SPAG16: variants seen among roughly 807,000 people sequenced by gnomAD.
SPAG16 encodes the protein sperm-associated antigen 16 protein.
In SPAG16, 86 loss-of-function variants were observed where a neutral mutation model predicts 80.4. The observed-to-expected ratio is 1.07, with a 90% CI of 0.90 to 1.28. SPAG16 has a LOEUF of 1.28. Among genes scored for constraint, SPAG16 ranks in the 50% most tolerant of loss-of-function variants. The probability of loss-of-function intolerance (pLI) is 0.00; values close to 1 mark genes in which losing one functional copy is unlikely to be tolerated. For synonymous variants in SPAG16, 294 were observed against 265.9 expected (o/e 1.11, Z -1.03); for missense variants, 870 against 765.3 (o/e 1.14, Z -1.61).
intron 15 of SPAG16, among the ~76,000 whole-genome samples, chr2:214,351,287 T>C (rs897376902): frequency 1.3e-5 from 2 of 152,164 alleles, no homozygotes; most frequent in African/African-American, 2.4e-5. Flanking sequence ...TTCAGTAGCA[T>C]TGTAGGATCA....
intron 14 of SPAG16, 139 bp downstream of exon 14, chr2:214,108,400 A>G: frequency 1.6e-6 from 1 of 606,770 alleles, no homozygotes; most frequent in Non-Finnish European, 2.9e-6. Flanking sequence ...AAACAATAGG[A>G]AAAGTCTATA....
intron 13 of SPAG16, among the ~76,000 whole-genome samples, chr2:214,060,506 G>A (rs1361060484): frequency 1.3e-5 from 2 of 152,080 alleles, no homozygotes; most frequent in African/African-American, 2.4e-5. Flanking sequence ...AAAGAAAAAG[G>A]ATAATGTATA....
chr2:213,764,276 A>G (rs1469668665), intron 10 of SPAG16, among the ~76,000 whole-genome samples: 3 of 152,096 alleles, frequency 2.0e-5, no homozygotes, highest in East Asian at 3.8e-4. Flanking sequence ...TAGAACCCAA[A>G]TGAATGCTTG....
chr2:213,346,599 C>T (rs2065006892), intron 6 of SPAG16, among the ~76,000 whole-genome samples: 1 of 151,938 alleles, frequency 6.6e-6, no homozygotes, highest in Non-Finnish European at 1.5e-5. Context: ...GAAGGTTGTT[C>T]AATTTTGTCA....
At chr2:214,326,944 C>CAAAAAAAAA (rs5838428) in intron 15 of SPAG16, among the ~76,000 whole-genome samples, 2 of 64,464 alleles carry the variant, frequency 3.1e-5, no homozygotes, top group African/African-American at 6.8e-5. Flanking sequence ...GACTAAGTCT[C>CAAAAAAAAA]AAAAAAAAAA....
chr2:213,713,654 A>G (rs2066104589), intron 10 of SPAG16, among the ~76,000 whole-genome samples: 1 of 152,198 alleles, frequency 6.6e-6, no homozygotes, highest in South Asian at 2.1e-4. Flanking sequence ...AGAGGACTCA[A>G]GAGACAATGT....
rs1287826710 is a variant in SPAG16, at chr2:213,670,647, G to A, written c.1070+180557G>A. Among the ~76,000 whole-genome samples the A allele has an allele frequency of 2.0e-5, 3 of 151,662 alleles. No homozygotes were observed. In the South Asian group the frequency reaches 6.2e-4, roughly 31 times the overall value. Reference sequence around the variant, plus strand: ...AAGATAATTTTTTCATGTACTGATAGTATATACATTAATTTTCCAGAGCTC... The same window carrying A: ...AAGATAATTTTTTCATGTACTGATAATATATACATTAATTTTCCAGAGCTC... On this transcript the variant is annotated intron_variant, in intron 10 of 15. Transcript: ENST00000331683.
chr2:214,303,904 C>T (rs992653709), intron 15 of SPAG16, among the ~76,000 whole-genome samples: 1 of 152,082 alleles, frequency 6.6e-6, no homozygotes, highest in African/African-American at 2.4e-5. Context: ...AGGTTTGTTA[C>T]ACAGGTAAAC....
At chr2:213,298,987 A>G (rs574855510) in intron 3 of SPAG16, among the ~76,000 whole-genome samples, 21 of 152,298 alleles carry the variant, frequency 1.4e-4, no homozygotes, top group Non-Finnish European at 2.4e-4. Context: ...AAGTATGTTA[A>G]TCTTCAGTAA....
At position 213,294,260 on chromosome 2, in the gene SPAG16, A is replaced by G. The variant is rs569147306; in HGVS notation, c.137-1804A>G. Reference sequence around the variant, plus strand: ...GGAGTAGGGTGTTAAATAAGAAGTAACAGAGTAGCTTTGAAACTGGGGATT... The same window carrying G: ...GGAGTAGGGTGTTAAATAAGAAGTAGCAGAGTAGCTTTGAAACTGGGGATT... On this transcript the variant is annotated intron_variant, in intron 1 of 15. Coordinates refer to ENST00000331683, the MANE Select transcript of SPAG16 (RefSeq NM_024532.5). 2.6e-5 allele frequency among the ~76,000 whole-genome samples: 4 copies of G among 152,328 alleles called. No individual in the cohort carries two copies. In the South Asian group the frequency reaches 8.3e-4, roughly 32 times the overall value.
chr2:214,358,862 A>G (rs1413704686), intron 15 of SPAG16, among the ~76,000 whole-genome samples: 1 of 151,928 alleles, frequency 6.6e-6, no homozygotes, highest in Non-Finnish European at 1.5e-5. Flanking sequence ...TGTCATATAC[A>G]TTGTTATTTC....
intron 10 of SPAG16, among the ~76,000 whole-genome samples, chr2:213,745,406 C>A (rs2067772125): frequency 1.3e-5 from 2 of 152,062 alleles, no homozygotes; most frequent in African/African-American, 4.8e-5. Context: ...CCATGCCTGG[C>A]TAATTTTTGT....
chr2:213,377,412 C>T (rs1356127739), intron 9 of SPAG16, among the ~76,000 whole-genome samples: 1 of 152,170 alleles, frequency 6.6e-6, no homozygotes, highest in Non-Finnish European at 1.5e-5. Flanking sequence ...ATAATTCATT[C>T]AGGCTTCATG....
chr2:213,466,932 G>T (rs1332974662), intron 9 of SPAG16, among the ~76,000 whole-genome samples: 1 of 152,182 alleles, frequency 6.6e-6, no homozygotes, highest in South Asian at 2.1e-4. Flanking sequence ...GAGAGGCAGG[G>T]TATAGTGGTA....
intron 15 of SPAG16, among the ~76,000 whole-genome samples, chr2:214,237,323 T>TA (rs200041322): frequency 0.02 from 2,956 of 147,850 alleles, 66 homozygotes; most frequent in East Asian, 0.072. Flanking sequence ...CATGAAACAT[T>TA]AAAAAAAAAA....
chr2:213,659,099 A>G (rs2063327805), intron 10 of SPAG16, among the ~76,000 whole-genome samples: 1 of 152,234 alleles, frequency 6.6e-6, no homozygotes, highest in Non-Finnish European at 1.5e-5. Context: ...TGACATTTAG[A>G]AACCTTTGTG....
chr2:214,037,446 G>A (rs1365009229), intron 13 of SPAG16, among the ~76,000 whole-genome samples: 2 of 151,946 alleles, frequency 1.3e-5, no homozygotes, highest in East Asian at 3.9e-4. Context: ...CTTAGTATAT[G>A]ATTACATTTT....
At chr2:213,467,719 G>T (rs2072780934) in intron 9 of SPAG16, among the ~76,000 whole-genome samples, 1 of 152,316 alleles carries the variant, frequency 6.6e-6, no homozygotes, top group Middle Eastern at 3.4e-3. Flanking sequence ...GGACTCCTCA[G>T]TCCTGCTGGA....
At chr2:213,802,395 C>CTCTATCTATCTATCTATCTA (rs58879510) in intron 10 of SPAG16, among the ~76,000 whole-genome samples, 3 of 148,020 alleles carry the variant, frequency 2.0e-5, no homozygotes, top group Non-Finnish European at 4.5e-5. Flanking sequence ...TGATTCATGT[C>CTCTATCTATCTATCTATCTA]TCTATCTATC....
Sources: allele counts gnomAD v4.1 joint callset (sites outside exome capture counted in the v4.1 genomes callset), GRCh38; gene constraint gnomAD v4.1.1; transcripts MANE v1.5; gene names NCBI Gene and HGNC (gene_info 2026-07-23, HGNC 2026-07-21).